The following DYRK1A variants were observed in gnomAD, a reference collection of about 807,000 sequenced individuals.
DYRK1A encodes the protein dual specificity tyrosine phosphorylation regulated kinase 1A.
In DYRK1A, 9 loss-of-function variants were observed where a neutral mutation model predicts 79.7. The observed-to-expected ratio is 0.11, with a 90% CI of 0.07 to 0.20. DYRK1A has a LOEUF of 0.20. Among genes scored for constraint, DYRK1A ranks in the 10% least tolerant of loss-of-function variants. DYRK1A has a pLI of 1.00. For missense variants in DYRK1A, 622 were observed against 956.0 expected, an observed-to-expected ratio of 0.65 and a Z score of 4.61; for synonymous variants, 349 against 329.7, an observed-to-expected ratio of 1.06 and a Z score of -0.63.
chr21:37,446,024 G>T (rs1020432212), intron 2 of DYRK1A, among the ~76,000 whole-genome samples: 1 of 152,322 alleles, frequency 6.6e-6, no homozygotes, highest in East Asian at 1.9e-4. Context: ...GTGGGAGGAA[G>T]AGCATCCCTG....
chr21:37,448,026 T>C (rs949407370), intron 2 of DYRK1A, among the ~76,000 whole-genome samples: 13 of 152,188 alleles, frequency 8.5e-5, no homozygotes, highest in East Asian at 3.8e-4. Context: ...ATGGAGTTTT[T>C]CCCCCTCTGA....
At chr21:37,387,580 A>G (rs2049785065) in intron 1 of DYRK1A, among the ~76,000 whole-genome samples, 1 of 152,168 alleles carries the variant, frequency 6.6e-6, no homozygotes, top group African/African-American at 2.4e-5. Context: ...CTGCTCCTCT[A>G]TGAAATTCTT....
rs1569413720 is a variant in DYRK1A at position 37,519,738 on chromosome 21, T to TTTTTTTGTTTTTTTTG, written c.*7213_*7214insGTTTTTTTTGTTTTTT. 3.1e-4 allele frequency: 2 copies of TTTTTTTGTTTTTTTTG among 6,526 alleles called. No homozygotes were observed. The highest frequency in any genetic ancestry group is 2.0e-3 in the Admixed American group (1 of 492). 0.4% of individuals were successfully genotyped at this position (6,526 alleles called of 1,614,324 possible). A position where few individuals can be genotyped will look rare whatever the true frequency, so the allele number is the denominator to read the frequency against. ...AGTTTTGAGGTTTGTTGTGGGAAGT[T>TTTTTTTGTTTTTTTTG]TTTTTTTTTTTTTTTTTTTTTGAGG... On this transcript the variant is annotated 3_prime_UTR_variant, in exon 12 of 12. Transcript: ENST00000647188.
At chr21:37,445,790 A>C (rs2051250384) in intron 2 of DYRK1A, among the ~76,000 whole-genome samples, 1 of 152,182 alleles carries the variant, frequency 6.6e-6, no homozygotes, top group African/African-American at 2.4e-5. Flanking sequence ...ATTTGTAATC[A>C]GATGCCAAGA....
intron 3 of DYRK1A, among the ~76,000 whole-genome samples, chr21:37,476,043 T>C (rs949339726): frequency 2.0e-5 from 3 of 152,208 alleles, no homozygotes; most frequent in African/African-American, 7.2e-5. Flanking sequence ...GAGGGTAGAC[T>C]AGAGGCGTAA....
At chr21:37,373,228 A>G (rs1003968399) in intron 1 of DYRK1A, among the ~76,000 whole-genome samples, 3 of 152,158 alleles carry the variant, frequency 2.0e-5, no homozygotes, top group African/African-American at 7.2e-5. Context: ...CAGGATTTTG[A>G]GAATGTGAAA....
At chr21:37,494,290 G>T (rs2053191308) in intron 8 of DYRK1A, among the ~76,000 whole-genome samples, 1 of 151,182 alleles carries the variant, frequency 6.6e-6, no homozygotes, top group African/African-American at 2.4e-5. Flanking sequence ...GTGTAAATTA[G>T]TATCTTTCTT....
intron 2 of DYRK1A, among the ~76,000 whole-genome samples, chr21:37,457,033 CTTACTTATTTATTTATTTA>C (rs2051668738): frequency 8.5e-6 from 1 of 118,266 alleles, no homozygotes; most frequent in African/African-American, 3.8e-5. Flanking sequence ...TACTTACTTA[CTTACTTATTTATTTATTTA>C]TTTATTTATT....
intron 2 of DYRK1A, among the ~76,000 whole-genome samples, chr21:37,469,347 C>T (rs557177823): frequency 1.9e-4 from 29 of 152,238 alleles, no homozygotes; most frequent in Admixed American, 3.9e-4. Context: ...ATCCAGGTGT[C>T]GGTCAGTAGT....
intron 1 of DYRK1A, among the ~76,000 whole-genome samples, chr21:37,393,740 A>G (rs563912706): frequency 4.6e-5 from 7 of 152,354 alleles, no homozygotes; most frequent in South Asian, 2.1e-4. Flanking sequence ...CTGTGTTCCA[A>G]TTTGGGCAGG....
At chr21:37,430,135 A>T (rs1049080395) in intron 2 of DYRK1A, 1 of 209,690 alleles carries the variant, frequency 4.8e-6, no homozygotes, top group African/African-American at 2.4e-5. Context: ...AAGATTTGAA[A>T]TGAGAGCTTT....
chr21:37,478,379 C>CT (rs1057049269), intron 4 of DYRK1A, 79 bp downstream of exon 4: 31 of 1,320,782 alleles, frequency 2.3e-5, no homozygotes, highest in East Asian at 9.7e-5. Flanking sequence ...TTACCCTAAA[C>CT]TTTTTTTTCA....
chr21:37,480,517 A>G (rs1236449083), intron 4 of DYRK1A, 121 bp from the exon 5 acceptor site: 1 of 689,300 alleles, frequency 1.5e-6, no homozygotes, highest in Non-Finnish European at 2.3e-6. Flanking sequence ...TGGTTAGATC[A>G]GTATTATTTT....
At chr21:37,490,100 T>G in intron 6 of DYRK1A, 75 bp from the exon 7 acceptor site, 1 of 1,374,678 alleles carries the variant, frequency 7.3e-7, no homozygotes, top group Non-Finnish European at 1.0e-6. Flanking sequence ...TTATAGAACA[T>G]TTGAGAGTGC....
chr21:37,430,154 T>G, intron 2 of DYRK1A: 3 of 280,940 alleles, frequency 1.1e-5, no homozygotes, highest in Non-Finnish European at 1.6e-5. Flanking sequence ...TTAGAGCCCT[T>G]TATATTTCTT....
rs532217931 is a variant in DYRK1A at position 37,508,940 on chromosome 21, T to C, written c.1644+2717T>C. 6.6e-5 allele frequency among the ~76,000 whole-genome samples: 10 copies of C among 152,328 alleles called. No individual in the cohort carries two copies. The South Asian group carries it at 2.1e-3, about 32-fold the overall frequency. Reference sequence around the variant, plus strand: ...TCTTCTTCCCTTTCTTTCTTCCAGATCTATTCCATACCGCAAACACATACA... The same window carrying C: ...TCTTCTTCCCTTTCTTTCTTCCAGACCTATTCCATACCGCAAACACATACA... On this transcript the variant is annotated intron_variant, in intron 11 of 11. Transcript: ENST00000647188.
At chr21:37,453,960 G>T (rs1306549989) in intron 2 of DYRK1A, among the ~76,000 whole-genome samples, 2 of 151,488 alleles carry the variant, frequency 1.3e-5, no homozygotes, top group African/African-American at 4.9e-5. Context: ...ATTTGGAGTT[G>T]TATAAATTAT....
intron 1 of DYRK1A, among the ~76,000 whole-genome samples, chr21:37,377,480 T>C (rs950706710): frequency 2.6e-5 from 4 of 152,230 alleles, no homozygotes; most frequent in African/African-American, 9.6e-5. Context: ...CTCCCATTTT[T>C]TAAAATTTGG....
At chr21:37,367,850 C>T (rs2049343113) in intron 1 of DYRK1A, among the ~76,000 whole-genome samples, 1 of 151,108 alleles carries the variant, frequency 6.6e-6, no homozygotes, top group African/African-American at 2.4e-5. Flanking sequence ...AGGGTGGGAG[C>T]GGGGGCCGCG....
Sources: gnomAD v4.1 joint callset for allele counts (sites outside exome capture counted in the v4.1 genomes callset) on GRCh38, gnomAD v4.1.1 for gene constraint, MANE v1.5 for transcripts, NCBI Gene and HGNC (gene_info 2026-07-23, HGNC 2026-07-21) for gene names.